Variants in ARHGAP25 observed in about 807,000 individuals in gnomAD.
ARHGAP25 encodes the protein Rho GTPase activating protein 25, also known as rho GTPase-activating protein 25.
Under a neutral mutation model 71.0 loss-of-function variants are expected in ARHGAP25, and 34 were observed. The observed-to-expected ratio is 0.48, with a 90% CI of 0.36 to 0.64. The LOEUF (loss-of-function observed/expected upper bound fraction) is 0.64, where lower values mean the gene tolerates loss of function less well. Among genes scored for constraint, ARHGAP25 ranks in the 30% least tolerant of loss-of-function variants. The probability of loss-of-function intolerance (pLI) is 0.00; values close to 1 mark genes in which losing one functional copy is unlikely to be tolerated. For synonymous variants in ARHGAP25, 282 were observed against 296.5 expected (o/e 0.95, Z 0.50); for missense variants, 706 against 805.1 (o/e 0.88, Z 1.49).
chr2:68,780,704 TCTTC>T (rs921633422), intron 2 of ARHGAP25, among the ~76,000 whole-genome samples: 2 of 151,894 alleles, frequency 1.3e-5, no homozygotes, highest in African/African-American at 4.8e-5. Context: ...CTCCTCCTCC[TCTTC>T]CTTCTTGTCT....
chr2:68,757,680 A>T (rs188355511), intron 1 of ARHGAP25: 3 of 152,262 alleles, frequency 2.0e-5, no homozygotes, highest in Non-Finnish European at 4.4e-5. Flanking sequence ...ATATAAAAGG[A>T]CACTAAACAA....
At chr2:68,792,444 A>G (rs1005955152) in intron 4 of ARHGAP25, among the ~76,000 whole-genome samples, 25 of 152,226 alleles carry the variant, frequency 1.6e-4, no homozygotes, top group Middle Eastern at 3.4e-3. Flanking sequence ...GTTGTCCATA[A>G]TTCCATACTC....
At chr2:68,810,008 A>G (rs1301216499) in intron 5 of ARHGAP25, among the ~76,000 whole-genome samples, 1 of 152,020 alleles carries the variant, frequency 6.6e-6, no homozygotes, top group Non-Finnish European at 1.5e-5. Context: ...ATGCCACATT[A>G]CAAGCATCAA....
chr2:68,776,181 A>G (rs1475839290), intron 2 of ARHGAP25, among the ~76,000 whole-genome samples: 7 of 151,984 alleles, frequency 4.6e-5, no homozygotes, highest in Admixed American at 3.9e-4. Context: ...CAAGGAGGGC[A>G]CTGTGGTGGG....
chr2:68,826,403 C>T lies in ARHGAP25; in HGVS notation c.*209C>T, dbSNP rs1682139881. 4 of 677,070 alleles carry T rather than the reference C, an allele frequency of 5.9e-6. No individual in the cohort carries two copies. The highest frequency in any genetic ancestry group is 5.5e-5 in the East Asian group (2 of 36,242). The allele number at this position is 677,070 out of a possible 1,614,324, so 41.9% of individuals were successfully genotyped here. ...TGTGTGGACATCTCTGACCATCCAT[C>T]GCTGTATTCAAATGGATTGTTTTAT... On this transcript the variant is annotated 3_prime_UTR_variant, in exon 11 of 11. Transcript: ENST00000409202.
At chr2:68,801,749 T>C (rs1202934799) in intron 4 of ARHGAP25, among the ~76,000 whole-genome samples, 1 of 152,104 alleles carries the variant, frequency 6.6e-6, no homozygotes, top group Non-Finnish European at 1.5e-5. Flanking sequence ...AAGTGAATCA[T>C]CATAAAATTA....
At chr2:68,723,345 G>C (rs1044274545) in intron 2 of ARHGAP25, among the ~76,000 whole-genome samples, 1 of 152,148 alleles carries the variant, frequency 6.6e-6, no homozygotes, top group South Asian at 2.1e-4. Context: ...TCTAGTTGTG[G>C]GCCATGCCAC....
At chr2:68,818,537 A>T (rs1681398025) in intron 8 of ARHGAP25, among the ~76,000 whole-genome samples, 1 of 152,226 alleles carries the variant, frequency 6.6e-6, no homozygotes, top group East Asian at 1.9e-4. Flanking sequence ...CATGTTGGCC[A>T]GGCTGGTCTC....
chr2:68,766,714 T>TTCTC (rs140846028), intron 1 of ARHGAP25, among the ~76,000 whole-genome samples: 2,139 of 148,418 alleles, frequency 0.014, 61 homozygotes, highest in African/African-American at 0.049. Flanking sequence ...CTCTCTCCCC[T>TTCTC]TCTCTCTCTC....
intron 4 of ARHGAP25, among the ~76,000 whole-genome samples, chr2:68,804,647 C>T (rs985067973): frequency 8.5e-5 from 13 of 152,188 alleles, no homozygotes; most frequent in Admixed American, 2.6e-4. Flanking sequence ...CTTCCATGTC[C>T]CTTGTCTGTA....
intron 5 of ARHGAP25, among the ~76,000 whole-genome samples, chr2:68,809,251 G>A (rs1170342894): frequency 1.3e-5 from 2 of 151,946 alleles, no homozygotes; most frequent in Admixed American, 6.6e-5. Flanking sequence ...TCATTCCATG[G>A]TGTGTTTTGG....
At chr2:68,724,534 C>T (rs961548759) in intron 2 of ARHGAP25, among the ~76,000 whole-genome samples, 2 of 152,164 alleles carry the variant, frequency 1.3e-5, no homozygotes, top group African/African-American at 4.8e-5. Context: ...TGCTGATGTT[C>T]TTCCTGAGCC....
chr2:68,729,672 A>G (rs1674966797), intron 2 of ARHGAP25, among the ~76,000 whole-genome samples: 1 of 152,252 alleles, frequency 6.6e-6, no homozygotes, highest in African/African-American at 2.4e-5. Flanking sequence ...ACTGGGCCCT[A>G]CATATATTGT....
At chr2:68,713,192 T>C (rs555448927) in intron 2 of ARHGAP25, among the ~76,000 whole-genome samples, 5 of 152,184 alleles carry the variant, frequency 3.3e-5, no homozygotes, top group Non-Finnish European at 7.4e-5. Context: ...CCTTGAGCAG[T>C]GGTTTGTAGT....
At chr2:68,723,730 GC>G (rs570360553) in intron 2 of ARHGAP25, among the ~76,000 whole-genome samples, 234 of 152,330 alleles carry the variant, frequency 1.5e-3, no homozygotes, top group African/African-American at 5.3e-3. Flanking sequence ...AATGAATGAT[GC>G]CTGACTAGGC....
At chr2:68,809,518 A>T (rs1434144197) in intron 5 of ARHGAP25, among the ~76,000 whole-genome samples, 1 of 151,926 alleles carries the variant, frequency 6.6e-6, no homozygotes, top group Non-Finnish European at 1.5e-5. Context: ...TGTTAACCTG[A>T]ATTGTGTGTG....
Position 68,826,299 on chromosome 2 carries a change from A to G in ARHGAP25, c.*105A>G, listed in dbSNP as rs528035490. 5.8e-6 allele frequency: 6 copies of G among 1,040,154 alleles called. No individual in the cohort carries two copies. The highest frequency in any genetic ancestry group is 7.4e-6 in the Non-Finnish European group (5 of 676,302). 64.4% of individuals were successfully genotyped at this position (1,040,154 alleles called of 1,614,324 possible). A position where few individuals can be genotyped will look rare whatever the true frequency, so the allele number is the denominator to read the frequency against. ...AACAAAATTATTCTCTGAGAGGGAA[A>G]GGACATTTGAGGGAAACATCAAATT... On this transcript the variant is annotated 3_prime_UTR_variant, in exon 11 of 11. Coordinates refer to ENST00000409202, the MANE Select transcript of ARHGAP25 (RefSeq NM_001007231.3).
At chr2:68,778,724 G>T (rs4854453) in intron 2 of ARHGAP25, among the ~76,000 whole-genome samples, 57,750 of 152,040 alleles carry the variant, frequency 0.38, 11,157 homozygotes, top group Middle Eastern at 0.45. Context: ...CTGGGTCTAC[G>T]AAGTTCCAAA....
Position 68,716,669 on chromosome 2 carries a change from G to A in ARHGAP25, c.-18+5971G>A, listed in dbSNP as rs138568808. On this transcript the variant is annotated intron_variant and NMD_transcript_variant, in intron 2 of 7. Transcript: ENST00000463483. ...AGCAGATTGAGAATGTATATACATC[G>A]TTTTATTCAAACCTTCAACCACATG... Among the ~76,000 whole-genome samples the A allele has an allele frequency of 7.2e-4, 109 of 152,312 alleles. 1 individual carries two copies. Among genetic ancestry groups the A allele is most frequent in the African/African-American group, 2.4e-3 (100 of 41,566 alleles).
Sources: gnomAD v4.1 joint callset for allele counts (sites outside exome capture counted in the v4.1 genomes callset) on GRCh38, gnomAD v4.1.1 for gene constraint, MANE v1.5 for transcripts, NCBI Gene and HGNC (gene_info 2026-07-23, HGNC 2026-07-21) for gene names.